The following ANK2 variants were observed in gnomAD, a reference collection of about 807,000 sequenced individuals.
ANK2 encodes ankyrin 2.
In ANK2, 83 loss-of-function variants were observed where a neutral mutation model predicts 360.5. That is an observed-to-expected ratio of 0.23 (90% CI 0.19 to 0.28). The LOEUF is 0.28. ANK2 is among the 10% of genes least tolerant of loss of function. ANK2 has a pLI of 1.00. For synonymous variants in ANK2, 1,740 were observed against 1,759.5 expected (o/e 0.99, Z 0.28); for missense variants, 4,201 against 4,795.7 (o/e 0.88, Z 3.66).
At chr4:113,008,285 A>G (rs1041445161) in intron 2 of ANK2, among the ~76,000 whole-genome samples, 4 of 152,170 alleles carry the variant, frequency 2.6e-5, no homozygotes, top group Non-Finnish European at 4.4e-5. Flanking sequence ...TTTATTGTAC[A>G]TAAGACTTGC....
intron 1 of ANK2, among the ~76,000 whole-genome samples, chr4:113,125,356 T>TATAAA (rs2095600980): frequency 6.6e-6 from 1 of 152,162 alleles, no homozygotes; most frequent in African/African-American, 2.4e-5. Context: ...TTTTTGCGTT[T>TATAAA]GAAACAAAGT....
At chr4:113,208,551 G>A (rs1180708102) in intron 4 of ANK2, among the ~76,000 whole-genome samples, 1 of 151,868 alleles carries the variant, frequency 6.6e-6, no homozygotes, top group Non-Finnish European at 1.5e-5. Context: ...CACCCAAGCT[G>A]GAGTGCAGTG....
At chr4:112,898,374 G>C in intron 1 of ANK2, among the ~76,000 whole-genome samples, 1 of 151,858 alleles carries the variant, frequency 6.6e-6, no homozygotes, top group African/African-American at 2.4e-5. Context: ...TGTTTTTTAT[G>C]CTCTTGACAA....
intron 28 of ANK2, 121 bp from the exon 29 acceptor site, chr4:113,332,933 C>T: frequency 6.9e-7 from 1 of 1,440,958 alleles, no homozygotes; most frequent in Non-Finnish European, 9.7e-7. Context: ...AGGGGATGGC[C>T]CACTATGTCC....
chr4:113,186,143 A>G (rs1045203879), intron 2 of ANK2, among the ~76,000 whole-genome samples: 1 of 152,176 alleles, frequency 6.6e-6, no homozygotes, highest in African/African-American at 2.4e-5. Context: ...GACACCTCAT[A>G]CAGGAGAGCT....
intron 1 of ANK2, among the ~76,000 whole-genome samples, chr4:112,857,698 G>C (rs139592463): frequency 1.4e-4 from 22 of 152,270 alleles, no homozygotes; most frequent in Non-Finnish European, 8.8e-5. Flanking sequence ...AACAGAGTAA[G>C]AGAATGTTAC....
At chr4:112,913,033 A>G (rs1188735964) in intron 2 of ANK2, among the ~76,000 whole-genome samples, 1 of 152,088 alleles carries the variant, frequency 6.6e-6, no homozygotes, top group Non-Finnish European at 1.5e-5. Flanking sequence ...TAATATGTAG[A>G]TGATTGGAAC....
intron 27 of ANK2, among the ~76,000 whole-genome samples, chr4:113,331,652 G>A (rs2092465639): frequency 6.6e-6 from 1 of 152,228 alleles, no homozygotes; most frequent in South Asian, 2.1e-4. Flanking sequence ...CCTCTGTACA[G>A]GGCAGAGTTT....
chr4:113,238,792 T>C (rs2099403548), intron 7 of ANK2, among the ~76,000 whole-genome samples: 1 of 152,194 alleles, frequency 6.6e-6, no homozygotes, highest in Non-Finnish European at 1.5e-5. Flanking sequence ...TACTTCCATG[T>C]TAATCAGGGA....
chr4:113,074,291 G>A (rs541906807), intron 1 of ANK2, among the ~76,000 whole-genome samples: 1 of 152,246 alleles, frequency 6.6e-6, no homozygotes, highest in East Asian at 1.9e-4. Context: ...AGCCCTGGGG[G>A]AACCTACCAT....
the ANK2 span, among the ~76,000 whole-genome samples, chr4:112,733,117 T>C: frequency 6.6e-6 from 1 of 152,104 alleles, no homozygotes; most frequent in African/African-American, 2.4e-5. Flanking sequence ...ATCTGGAGGC[T>C]GAGGCAGAGA....
chr4:112,710,792 GCTTTCAGTTAC>G, the ANK2 span, among the ~76,000 whole-genome samples: 1 of 151,560 alleles, frequency 6.6e-6, no homozygotes, highest in Non-Finnish European at 1.5e-5. Context: ...AGTGACTAAA[GCTTTCAGTTAC>G]CTTTTGCCTC....
chr4:112,963,294 A>G (rs1352652696), intron 2 of ANK2, among the ~76,000 whole-genome samples: 1 of 152,138 alleles, frequency 6.6e-6, no homozygotes, highest in Non-Finnish European at 1.5e-5. Flanking sequence ...AGCCATTTAC[A>G]CCTTTAGAGC....
the ANK2 span, among the ~76,000 whole-genome samples, chr4:112,778,686 G>A: frequency 1.3e-5 from 2 of 152,120 alleles, no homozygotes; most frequent in African/African-American, 2.4e-5. Context: ...CGAACCAATC[G>A]CTGACAAGGG....
chr4:113,043,371 A>G (rs954727274), intron 2 of ANK2, among the ~76,000 whole-genome samples: 5 of 152,124 alleles, frequency 3.3e-5, no homozygotes, highest in Non-Finnish European at 5.9e-5. Flanking sequence ...GCACTGGAGG[A>G]GAGCAGTCCC....
At chr4:113,360,922 T>A (rs1291251414) in intron 39 of ANK2, 25 bp downstream of exon 39, 1 of 1,604,404 alleles carries the variant, frequency 6.2e-7, no homozygotes, top group Non-Finnish European at 8.5e-7. Context: ...ACCCAGGTTT[T>A]CAACAAAACC....
intron 1 of ANK2, among the ~76,000 whole-genome samples, chr4:112,862,700 G>T (rs2068531507): frequency 6.6e-6 from 1 of 151,370 alleles, no homozygotes; most frequent in African/African-American, 2.4e-5. Context: ...GATTTTTTTT[G>T]CAATTATTTC....
intron 9 of ANK2, among the ~76,000 whole-genome samples, chr4:113,245,102 G>A (rs2042149940): frequency 6.6e-6 from 1 of 152,124 alleles, no homozygotes; most frequent in African/African-American, 2.4e-5. Flanking sequence ...CCCCCCATAA[G>A]TTGAAATACT....
At chr4:112,788,631 A>C in the ANK2 span, 6 of 1,601,064 alleles carry the variant, frequency 3.7e-6, no homozygotes, top group Non-Finnish European at 5.1e-6. Flanking sequence ...GGCCTGGGTG[A>C]ACTGGTTAAT....
Sources: allele counts gnomAD v4.1 joint callset (sites outside exome capture counted in the v4.1 genomes callset), GRCh38; gene constraint gnomAD v4.1.1; transcripts MANE v1.5; gene names NCBI Gene and HGNC (gene_info 2026-07-23, HGNC 2026-07-21).